Variants in MPPED2 observed in about 807,000 individuals in gnomAD.
MPPED2 encodes metallophosphoesterase domain containing 2.
Under a neutral mutation model 33.0 loss-of-function variants are expected in MPPED2, and 5 were observed. The observed-to-expected ratio is 0.15, with a 90% confidence interval of 0.08 to 0.32. MPPED2 has a LOEUF of 0.32. Ranked by LOEUF, MPPED2 falls within the 10% of genes least tolerant of loss-of-function variation. The pLI is 1.00. For synonymous variants in MPPED2, 136 were observed against 141.9 expected (o/e 0.96, Z 0.29); for missense variants, 275 against 372.1 (o/e 0.74, Z 2.15).
At chr11:30,393,680 TAAAC>T (rs1286092201) in intron 6 of MPPED2, among the ~76,000 whole-genome samples, 3 of 152,236 alleles carry the variant, frequency 2.0e-5, no homozygotes, top group African/African-American at 7.2e-5. Flanking sequence ...CAATAAATAA[TAAAC>T]AAATTATATT....
chr11:30,479,880 T>C (rs1469813378), intron 4 of MPPED2, among the ~76,000 whole-genome samples: 1 of 152,040 alleles, frequency 6.6e-6, no homozygotes, highest in African/African-American at 2.4e-5. Context: ...CAAATTCAAA[T>C]CTCCAATCAA....
intron 4 of MPPED2, among the ~76,000 whole-genome samples, chr11:30,425,046 G>A (rs1003885064): frequency 2.6e-5 from 4 of 152,112 alleles, no homozygotes; most frequent in African/African-American, 9.7e-5. Flanking sequence ...TTGTAGCTTG[G>A]TCTTTCGTTA....
At chr11:30,501,971 G>T (rs768008007) in intron 3 of MPPED2, among the ~76,000 whole-genome samples, 1 of 152,156 alleles carries the variant, frequency 6.6e-6, no homozygotes, top group African/African-American at 2.4e-5. Context: ...GAAGGGCAGA[G>T]GGGAACGACC....
At chr11:30,466,042 C>G (rs1364271192) in intron 4 of MPPED2, among the ~76,000 whole-genome samples, 1 of 152,216 alleles carries the variant, frequency 6.6e-6, no homozygotes, top group Non-Finnish European at 1.5e-5. Flanking sequence ...GCCTGATATT[C>G]TTTTACTTTT....
At chr11:30,555,605 T>G (rs1373567911) in intron 2 of MPPED2, among the ~76,000 whole-genome samples, 1 of 152,132 alleles carries the variant, frequency 6.6e-6, no homozygotes, top group Non-Finnish European at 1.5e-5. Context: ...ATCTGATGGT[T>G]TTATAAAGGG....
intron 4 of MPPED2, among the ~76,000 whole-genome samples, chr11:30,468,018 G>A (rs1055957099): frequency 2.0e-5 from 3 of 150,652 alleles, no homozygotes; most frequent in Non-Finnish European, 3.0e-5. Flanking sequence ...GAGGCCCCCC[G>A]ATGCAAGTAA....
intron 3 of MPPED2, among the ~76,000 whole-genome samples, chr11:30,506,299 C>T (rs951714863): frequency 1.3e-5 from 2 of 152,178 alleles, no homozygotes; most frequent in African/African-American, 4.8e-5. Flanking sequence ...CCGCCTCAGC[C>T]TCCCAAAGTG....
At chr11:30,401,822 C>CT (rs1268365019) in intron 6 of MPPED2, among the ~76,000 whole-genome samples, 2 of 150,826 alleles carry the variant, frequency 1.3e-5, no homozygotes, top group Non-Finnish European at 3.0e-5. Flanking sequence ...GTAGCTGGGA[C>CT]TACAGGCACC....
At chr11:30,526,214 C>G (rs1441512352) in intron 3 of MPPED2, among the ~76,000 whole-genome samples, 1 of 152,058 alleles carries the variant, frequency 6.6e-6, no homozygotes, top group Non-Finnish European at 1.5e-5. Flanking sequence ...TGTACTATTA[C>G]AGACAAAACA....
intron 2 of MPPED2, among the ~76,000 whole-genome samples, chr11:30,548,323 C>T (rs1955535403): frequency 6.6e-6 from 1 of 152,106 alleles, no homozygotes; most frequent in African/African-American, 2.4e-5. Context: ...CAGGGATTCT[C>T]CCACCTCAGT....
intron 2 of MPPED2, among the ~76,000 whole-genome samples, chr11:30,566,489 C>CT (rs1267056071): frequency 2.0e-5 from 3 of 152,064 alleles, no homozygotes; most frequent in Non-Finnish European, 2.9e-5. Context: ...CAGCTCCATC[C>CT]TGAAAAAAAC....
At chr11:30,509,073 C>T (rs1565137979) in intron 3 of MPPED2, among the ~76,000 whole-genome samples, 1 of 152,028 alleles carries the variant, frequency 6.6e-6, no homozygotes. Context: ...TGTTATAAGT[C>T]CTATTTTTAT....
rs572970742 is a variant in MPPED2, at chr11:30,432,377, T to C, written c.537-14744A>G. On this transcript the variant is annotated intron_variant, in intron 4 of 6. Transcript: ENST00000358117. ...TTGCATGAAAACAGACTCTGTTTTA[T>C]AAATAGAACATTGTGCAAGGTTTTC... Among the ~76,000 whole-genome samples, 3 of 151,934 alleles carry C rather than the reference T, an allele frequency of 2.0e-5. No individual in the cohort carries two copies. In the East Asian group the frequency reaches 5.8e-4, roughly 29 times the overall value.
At chr11:30,537,943 A>T (rs1197728310) in intron 2 of MPPED2, among the ~76,000 whole-genome samples, 1 of 151,680 alleles carries the variant, frequency 6.6e-6, no homozygotes, top group Admixed American at 6.6e-5. Context: ...GGTTACACTC[A>T]GTCTCGGTGC....
chr11:30,447,841 T>C (rs1949880274), intron 4 of MPPED2, among the ~76,000 whole-genome samples: 1 of 152,124 alleles, frequency 6.6e-6, no homozygotes, highest in African/African-American at 2.4e-5. Flanking sequence ...GTGCTGGAGA[T>C]ACAAGGATCC....
At chr11:30,585,241 TC>T (rs1361438979) in intron 1 of MPPED2, among the ~76,000 whole-genome samples, 1 of 151,990 alleles carries the variant, frequency 6.6e-6, no homozygotes, top group Non-Finnish European at 1.5e-5. Flanking sequence ...TCGGTACTCG[TC>T]CCCCGTCGCC....
rs1308675718 is a variant in MPPED2 at position 30,411,054 on chromosome 11, T to C, written c.*414A>G. 1 of 986,026 alleles carries C rather than the reference T, an allele frequency of 1.0e-6. No individual in the cohort carries two copies. Among genetic ancestry groups the C allele is most frequent in the African/African-American group, 1.7e-5 (1 of 57,248 alleles). The allele number at this position is 986,026 out of a possible 1,614,324, so 61.1% of individuals were successfully genotyped here. A position where few individuals can be genotyped will look rare whatever the true frequency, so the allele number is the denominator to read the frequency against. ...ACAACAACAACAAAACATTGAAAAT[T>C]AAAATATTTCAAACAATACTCTTAA... is the stretch of plus-strand genomic sequence containing the variant. On this transcript the variant is annotated 3_prime_UTR_variant, in exon 7 of 7. Coordinates refer to ENST00000358117, the MANE Select transcript of MPPED2 (RefSeq NM_001584.3).
At chr11:30,413,820 G>A (rs1948220686) in intron 6 of MPPED2, among the ~76,000 whole-genome samples, 1 of 152,164 alleles carries the variant, frequency 6.6e-6, no homozygotes, top group Admixed American at 6.5e-5. Flanking sequence ...AATATTTACA[G>A]GTAGGAGGGG....
downstream of MPPED2, among the ~76,000 whole-genome samples, chr11:30,409,220 T>C (rs930484661): frequency 6.6e-6 from 1 of 152,166 alleles, no homozygotes; most frequent in Non-Finnish European, 1.5e-5. Context: ...TCTAGTACAC[T>C]AACCAGGTGA....
Sources: gnomAD v4.1 joint callset for allele counts (sites outside exome capture counted in the v4.1 genomes callset) on GRCh38, gnomAD v4.1.1 for gene constraint, MANE v1.5 for transcripts, NCBI Gene and HGNC (gene_info 2026-07-23, HGNC 2026-07-21) for gene names.